CDH1: variants seen among roughly 807,000 people sequenced by gnomAD.
CDH1 encodes cadherin 1, also known as cadherin-1.
In CDH1, 35 loss-of-function variants were observed where a neutral mutation model predicts 84.5. The ratio of observed to expected loss-of-function variants is 0.41; its 90% CI spans 0.32 to 0.55. The LOEUF (loss-of-function observed/expected upper bound fraction) is 0.55. CDH1 is among the 20% of genes least tolerant of loss of function. The pLI, the probability that CDH1 is intolerant of heterozygous loss-of-function variation, is 0.19. For missense variants in CDH1, 994 were observed against 1,126.6 expected (o/e 0.88, Z 1.68); for synonymous variants, 417 against 439.0 (o/e 0.95, Z 0.63).
chr16:68,821,388 T>G (rs1051390324), intron 11 of CDH1, among the ~76,000 whole-genome samples: 1 of 149,986 alleles, frequency 6.7e-6, no homozygotes, highest in African/African-American at 2.5e-5. Flanking sequence ...GGTGGGAGAT[T>G]AAGCCCAGGA....
intron 13 of CDH1, among the ~76,000 whole-genome samples, chr16:68,825,119 A>T (rs9936775): frequency 0.23 from 35,147 of 150,302 alleles, 6,457 homozygotes; most frequent in African/African-American, 0.51. Context: ...ATTAAAAAAA[A>T]TTTTTTAAAA....
chr16:68,799,074 C>T (rs1960432594), intron 2 of CDH1, among the ~76,000 whole-genome samples: 1 of 152,162 alleles, frequency 6.6e-6, no homozygotes, highest in Non-Finnish European at 1.5e-5. Flanking sequence ...TGGTGATAAC[C>T]TTTATGTTAT....
chr16:68,818,262 AAAAAAAAG>A (rs1961036651), intron 10 of CDH1, among the ~76,000 whole-genome samples: 1 of 151,370 alleles, frequency 6.6e-6, no homozygotes, highest in South Asian at 2.1e-4. Context: ...AAAGAAAAGA[AAAAAAAAG>A]AAAATCAAAT....
At chr16:68,801,635 C>T (rs775380449) in intron 2 of CDH1, 35 bp from the exon 3 acceptor site, 2 of 1,549,880 alleles carry the variant, frequency 1.3e-6, no homozygotes, top group South Asian at 1.1e-5. Context: ...TTTAATCTGT[C>T]CAATTTCCTA....
intron 2 of CDH1, among the ~76,000 whole-genome samples, chr16:68,750,513 CG>C (rs1458872650): frequency 6.6e-6 from 1 of 151,948 alleles, no homozygotes; most frequent in Non-Finnish European, 1.5e-5. Flanking sequence ...AGATCATAAA[CG>C]GTGGCCAGCT....
intron 2 of CDH1, among the ~76,000 whole-genome samples, chr16:68,772,379 T>G (rs902793286): frequency 1.3e-5 from 2 of 152,184 alleles, no homozygotes; most frequent in African/African-American, 4.8e-5. Flanking sequence ...GATAAGTCTC[T>G]TTAATTAGTT....
At chr16:68,778,441 C>G (rs935084383) in intron 2 of CDH1, among the ~76,000 whole-genome samples, 1 of 152,170 alleles carries the variant, frequency 6.6e-6, no homozygotes, top group African/African-American at 2.4e-5. Flanking sequence ...ATTAGTGAAA[C>G]AGCTCTTGTT....
chr16:68,805,105 T>G (rs1312916591), intron 3 of CDH1, among the ~76,000 whole-genome samples: 1 of 151,508 alleles, frequency 6.6e-6, no homozygotes, highest in East Asian at 1.9e-4. Context: ...TCCTTTCATC[T>G]TATTTGGGTG....
rs560796051 is a variant in CDH1 at position 68,769,971 on chromosome 16, G to A, written c.163+31560G>A. Among the ~76,000 whole-genome samples the A allele has an allele frequency of 3.8e-4, 56 of 148,786 alleles. No homozygotes were observed. The East Asian group carries it at 7.7e-3, about 21-fold the overall frequency. On this transcript the variant is annotated intron_variant, in intron 2 of 15. Coordinates refer to ENST00000261769, the MANE Select transcript of CDH1 (RefSeq NM_004360.5). ...GCTGGGATTACAGGTGTGAGCCACC[G>A]CAGCTGGCTTTTTTTTTTTTTTTTT...
At chr16:68,757,276 A>AC (rs1455234891) in intron 2 of CDH1, among the ~76,000 whole-genome samples, 1 of 152,004 alleles carries the variant, frequency 6.6e-6, no homozygotes, top group African/African-American at 2.4e-5. Context: ...TTTAGTAGAG[A>AC]CAGGGTTTCA....
In CDH1 at chr16:68,829,748, A is replaced by G. The variant is rs587782394; in HGVS notation, c.2390A>G (p.Tyr797Cys). The change falls in exon 15 of 16, where the codon TAT becomes TGT. Residue 797 changes from tyrosine (Y) to cysteine (C), a missense_variant. Tyr to Cys is a radical substitution (Grantham distance 194, BLOSUM62 -2). This residue lies in a region of CDH1 where 769 missense variants were observed against 881.8 expected (regional missense o/e 0.87). Coordinates refer to ENST00000261769, the MANE Select transcript of CDH1 (RefSeq NM_004360.5). ...VAPTLMSVPR[Y>C]LPRPANPDEI... ...CCAACCCTCATGAGTGTCCCCCGGT[A>G]TCTTCCCCGCCCTGCCAATCCCGAT... is the stretch of plus-strand genomic sequence containing the variant. The G allele has an allele frequency of 3.7e-6, 6 of 1,614,076 alleles. No homozygotes were observed. The highest frequency in any genetic ancestry group is 3.4e-6 in the Non-Finnish European group (4 of 1,180,006).
At chr16:68,828,138 C>T (rs1469725139) in intron 13 of CDH1, 36 bp from the exon 14 acceptor site, 1 of 1,612,606 alleles carries the variant, frequency 6.2e-7, no homozygotes, top group East Asian at 2.2e-5. Context: ...TTATCTTTGG[C>T]TCTCAACACT....
chr16:68,791,612 G>A (rs1427261275), intron 2 of CDH1, among the ~76,000 whole-genome samples: 2 of 151,954 alleles, frequency 1.3e-5, no homozygotes, highest in East Asian at 3.9e-4. Flanking sequence ...TGTAGAGTTG[G>A]GGTCTTGCCA....
At chr16:68,737,538 T>C (rs926913160) in intron 1 of CDH1, 75 bp downstream of exon 1, 2 of 296,350 alleles carry the variant, frequency 6.7e-6, no homozygotes, top group Non-Finnish European at 1.0e-5. Context: ...CGCCCCTTCC[T>C]CTCCCGTCGT....
intron 10 of CDH1, among the ~76,000 whole-genome samples, chr16:68,818,005 G>A (rs562293510): frequency 3.9e-5 from 6 of 152,218 alleles, no homozygotes; most frequent in African/African-American, 7.2e-5. Flanking sequence ...TTGGGAGGCC[G>A]AGATGGGTGG....
chr16:68,738,936 C>CTTTTTTTTTTTTT lies in CDH1; in HGVS notation c.163+541_163+553dup, dbSNP rs1555509828. Reference sequence around the variant, plus strand: ...TGGCTTTTGTTTACAGATATAAAAGCTTTTTTTTTTTTTTTTTTTTTTTTT... The same window carrying CTTTTTTTTTTTTT: ...TGGCTTTTGTTTACAGATATAAAAGCTTTTTTTTTTTTTTTTTTTTTTTTTTTTTTTTTTTTTT... On this transcript the variant is annotated intron_variant, in intron 2 of 15. Transcript: ENST00000261769. Among the ~76,000 whole-genome samples the CTTTTTTTTTTTTT allele has an allele frequency of 1.7e-4, 2 of 11,434 alleles. 1 individual carries two copies. The highest frequency in any genetic ancestry group is 4.6e-4 in the African/African-American group (2 of 4,304). The allele number at this position is 11,434 out of a possible 152,430, so 7.5% of individuals were successfully genotyped here. A position where few individuals can be genotyped will look rare whatever the true frequency, so the allele number is the denominator to read the frequency against.
At chr16:68,751,237 G>C (rs567091268) in intron 2 of CDH1, among the ~76,000 whole-genome samples, 8 of 152,154 alleles carry the variant, frequency 5.3e-5, no homozygotes, top group South Asian at 2.1e-4. Context: ...GACTTCTGAG[G>C]CTTCACTGAT....
At chr16:68,829,256 C>T (rs1387868410) in intron 14 of CDH1, among the ~76,000 whole-genome samples, 1 of 152,142 alleles carries the variant, frequency 6.6e-6, no homozygotes, top group Non-Finnish European at 1.5e-5. Flanking sequence ...CCTTTCAGAC[C>T]TTTGCCTGTG....
chr16:68,759,309 G>C (rs57526595), intron 2 of CDH1, among the ~76,000 whole-genome samples: 1 of 152,006 alleles, frequency 6.6e-6, no homozygotes, highest in Non-Finnish European at 1.5e-5. Flanking sequence ...ACCAGCCTGG[G>C]CAACATAGCA....
Sources: allele counts gnomAD v4.1 joint callset (sites outside exome capture counted in the v4.1 genomes callset), GRCh38; gene constraint gnomAD v4.1.1; regional missense constraint gnomAD v4.1.1; transcripts MANE v1.5; gene names NCBI Gene and HGNC (gene_info 2026-07-23, HGNC 2026-07-21).